Variants in CARMIL1 observed in about 807,000 individuals in gnomAD.
The protein encoded by CARMIL1 is capping protein regulator and myosin 1 linker 1.
CARMIL1 carries 90 observed loss-of-function variants against 177.1 expected under a neutral mutation model. The ratio of observed to expected loss-of-function variants is 0.51; its 90% confidence interval spans 0.43 to 0.61. The LOEUF (loss-of-function observed/expected upper bound fraction) is 0.61, where lower values mean the gene tolerates loss of function less well. CARMIL1 is among the 20% of genes least tolerant of loss of function. The pLI is 0.00. For missense variants in CARMIL1, 1,380 were observed against 1,667.0 expected, an observed-to-expected ratio of 0.83 and a Z score of 3.00; for synonymous variants, 577 against 606.2, an observed-to-expected ratio of 0.95 and a Z score of 0.71.
intron 10 of CARMIL1, among the ~76,000 whole-genome samples, chr6:25,472,091 A>C (rs1351703627): frequency 6.6e-6 from 1 of 151,966 alleles, no homozygotes; most frequent in Non-Finnish European, 1.5e-5. Flanking sequence ...GAATACTATA[A>C]TTTTCATGAA....
intron 15 of CARMIL1, among the ~76,000 whole-genome samples, chr6:25,493,591 G>A (rs1210380236): frequency 6.6e-6 from 1 of 152,222 alleles, no homozygotes; most frequent in African/African-American, 2.4e-5. Flanking sequence ...ATATAGCAGA[G>A]AAAAAGAGAT....
chr6:25,416,716 T>C (rs1022715551), intron 2 of CARMIL1, among the ~76,000 whole-genome samples: 1 of 152,068 alleles, frequency 6.6e-6, no homozygotes, highest in African/African-American at 2.4e-5. Context: ...GAGTGAGGAG[T>C]TGCAGCTTCT....
intron 11 of CARMIL1, chr6:25,479,206 G>C: frequency 1.9e-6 from 1 of 518,940 alleles, no homozygotes; most frequent in Non-Finnish European, 3.8e-6. Flanking sequence ...TCTACCACTT[G>C]GAAAAGATAA....
intron 29 of CARMIL1, among the ~76,000 whole-genome samples, chr6:25,575,952 A>C (rs933408291): frequency 2.2e-4 from 34 of 152,142 alleles, no homozygotes; most frequent in African/African-American, 6.0e-4. Context: ...AAAATAAAGA[A>C]CTTGGAAAAA....
At chr6:25,413,814 T>C (rs753933114) in intron 2 of CARMIL1, among the ~76,000 whole-genome samples, 2 of 116,492 alleles carry the variant, frequency 1.7e-5, no homozygotes, top group Admixed American at 8.3e-5. Context: ...TGCACCCTAA[T>C]TTTTTTTTTA....
At chr6:25,379,907 G>A (rs11757140) in intron 2 of CARMIL1, among the ~76,000 whole-genome samples, 60,673 of 151,940 alleles carry the variant, frequency 0.4, 12,687 homozygotes, top group Non-Finnish European at 0.47. Context: ...GTGTGACCCT[G>A]TACCCTGGTT....
chr6:25,557,835 T>C (rs997756600), intron 29 of CARMIL1, among the ~76,000 whole-genome samples: 3 of 152,212 alleles, frequency 2.0e-5, no homozygotes, highest in Admixed American at 6.5e-5. Context: ...ACCACTGTTA[T>C]CATGTTTTAA....
Position 25,407,911 on chromosome 6 carries a change from C to T in CARMIL1, c.139-12203C>T, listed in dbSNP as rs183377566. 5.3e-5 allele frequency among the ~76,000 whole-genome samples: 8 copies of T among 152,260 alleles called. No homozygotes were observed. In the East Asian group the frequency reaches 5.8e-4, roughly 11 times the overall value. On this transcript the variant is annotated intron_variant, in intron 2 of 36. Coordinates refer to ENST00000329474, the MANE Select transcript of CARMIL1 (RefSeq NM_017640.6). ...AATCACCTGGGGATTTTAGTAAAAA[C>T]GCAGATTCTGATTCAGCAGGTCTGG...
intron 2 of CARMIL1, among the ~76,000 whole-genome samples, chr6:25,312,683 G>T (rs1783925867): frequency 6.6e-6 from 1 of 150,814 alleles, no homozygotes; most frequent in African/African-American, 2.4e-5. Flanking sequence ...TATTCCTTCA[G>T]TCACTCAGTA....
chr6:25,376,239 C>G lies in CARMIL1; in HGVS notation c.139-43875C>G, dbSNP rs11964642. Among the ~76,000 whole-genome samples, 918 of 152,208 alleles carry G rather than the reference C, an allele frequency of 6.0e-3. 10 individuals are homozygous for G. Among genetic ancestry groups the G allele is most frequent in the African/African-American group, 0.021 (857 of 41,536 alleles). On this transcript the variant is annotated intron_variant, in intron 2 of 36. Transcript: ENST00000329474. ...GGGCTTACGGTGCCCACCACCATGCCCAGCTAATTTTTGTATTTTTAATAG... is the reference window on the plus strand; with the variant it reads ...GGGCTTACGGTGCCCACCACCATGCGCAGCTAATTTTTGTATTTTTAATAG...
At chr6:25,390,631 TA>T (rs1209581383) in intron 2 of CARMIL1, among the ~76,000 whole-genome samples, 1 of 152,048 alleles carries the variant, frequency 6.6e-6, no homozygotes, top group Non-Finnish European at 1.5e-5. Flanking sequence ...CTAGATTTTT[TA>T]TATATGTTTT....
chr6:25,441,337 A>ATATATATATATATATATATGTGTGTG, intron 5 of CARMIL1, among the ~76,000 whole-genome samples: 37 of 94,526 alleles, frequency 3.9e-4, no homozygotes, highest in Non-Finnish European at 6.3e-4. Flanking sequence ...ATATATATAT[A>ATATATATATATATATATATGTGTGTG]TGTGTGTGTG....
intron 17 of CARMIL1, among the ~76,000 whole-genome samples, chr6:25,507,232 G>T (rs1805002318): frequency 6.6e-6 from 1 of 152,068 alleles, no homozygotes; most frequent in South Asian, 2.1e-4. Flanking sequence ...TACTGTTTTG[G>T]GAAAGCTTTA....
intron 2 of CARMIL1, among the ~76,000 whole-genome samples, chr6:25,285,266 T>G (rs2690048): frequency 0.05 from 7,561 of 152,278 alleles, 590 homozygotes; most frequent in African/African-American, 0.16. Flanking sequence ...TAAAGTCTTA[T>G]GGAGGAGTTT....
At chr6:25,545,424 C>T (rs962993396) in intron 26 of CARMIL1, among the ~76,000 whole-genome samples, 1 of 151,226 alleles carries the variant, frequency 6.6e-6, no homozygotes, top group African/African-American at 2.4e-5. Context: ...AATCATATGG[C>T]TTCATATATA....
chr6:25,611,477 C>T (rs1816499986), intron 36 of CARMIL1, among the ~76,000 whole-genome samples: 1 of 152,218 alleles, frequency 6.6e-6, no homozygotes, highest in African/African-American at 2.4e-5. Flanking sequence ...CAGTTCTCAC[C>T]ACCAAGTGCG....
At chr6:25,281,526 C>T (rs973472148) in intron 1 of CARMIL1, among the ~76,000 whole-genome samples, 7 of 152,092 alleles carry the variant, frequency 4.6e-5, no homozygotes, top group African/African-American at 1.7e-4. Context: ...TCATGGTTCT[C>T]AAAAGGAATA....
intron 2 of CARMIL1, among the ~76,000 whole-genome samples, chr6:25,409,373 A>G (rs935775504): frequency 9.2e-5 from 14 of 152,192 alleles, no homozygotes; most frequent in African/African-American, 3.1e-4. Context: ...CTCCTTTTAT[A>G]TTAGTATCTA....
At chr6:25,524,837 A>T (rs1806932179) in intron 23 of CARMIL1, among the ~76,000 whole-genome samples, 1 of 152,188 alleles carries the variant, frequency 6.6e-6, no homozygotes, top group African/African-American at 2.4e-5. Flanking sequence ...AACAGAAATG[A>T]AGAATGCCTT....
Sources: gnomAD v4.1 joint callset for allele counts (sites outside exome capture counted in the v4.1 genomes callset) on GRCh38, gnomAD v4.1.1 for gene constraint, MANE v1.5 for transcripts, NCBI Gene and HGNC (gene_info 2026-07-23, HGNC 2026-07-21) for gene names.